The following C21orf58 variants were observed in gnomAD, a reference collection of about 807,000 sequenced individuals.
C21orf58 encodes the protein uncharacterized protein C21orf58.
A neutral mutation model predicts 35.8 loss-of-function variants in C21orf58; 34 were observed. That is an observed-to-expected ratio of 0.95 (90% CI 0.72 to 1.26). C21orf58 has a LOEUF of 1.26. C21orf58 is among the 50% of genes most tolerant of loss of function. C21orf58 has a pLI of 0.00. For missense variants in C21orf58, 440 were observed against 414.3 expected, an observed-to-expected ratio of 1.06 and a Z score of -0.54; for synonymous variants, 191 against 175.8, an observed-to-expected ratio of 1.09 and a Z score of -0.68.
chr21:46,311,807 T>C (rs1182929397), intron 5 of C21orf58, among the ~76,000 whole-genome samples: 304 of 50,252 alleles, frequency 6.0e-3, no homozygotes, highest in Admixed American at 7.0e-3. Flanking sequence ...AACCAACCAT[T>C]CATCCACCCA....
intron 1 of C21orf58, 196 bp from the exon 2 acceptor site, chr21:46,318,416 A>G (rs1601705037): frequency 1.4e-6 from 2 of 1,428,078 alleles, no homozygotes; most frequent in African/African-American, 1.4e-5. Flanking sequence ...GCTGGGCTTC[A>G]TGGGAAGGCA....
Position 46,311,605 on chromosome 21 carries a change from C to G in C21orf58, c.610-38G>C, listed in dbSNP as rs377665962. On this transcript the variant is annotated intron_variant, in intron 5 of 7. Transcript: ENST00000291691. ...AGGTGATTAGCTATCTGCATATGTC[C>G]TTGAAGAAAGTGTCTCCAGTATCTA... is the stretch of plus-strand genomic sequence containing the variant. The G allele has an allele frequency of 3.5e-5, 46 of 1,329,766 alleles. No homozygotes were observed. The African/African-American group carries it at 6.5e-4, about 19-fold the overall frequency. 82.4% of individuals were successfully genotyped at this position (1,329,766 alleles called of 1,614,324 possible).
intron 3 of C21orf58, 53 bp downstream of exon 3, chr21:46,317,139 GTGGCTCCCCCTGGAGT>G: frequency 7.0e-7 from 1 of 1,421,228 alleles, no homozygotes; most frequent in African/African-American, 1.4e-5. Context: ...CCCCCTGGAG[GTGGCTCCCCCTGGAGT>G]GGCTACACTT....
At position 46,322,840 on chromosome 21, in the gene C21orf58, G is replaced by C. The variant is rs1481308836; in HGVS notation, c.-102C>G. ...CTGAGGGCGCGTTTAAGTTGCAGTT[G>C]CTGAGGAGGCTGCAAGGTGAGCTTG... On this transcript the variant is annotated 5_prime_UTR_variant, in exon 1 of 8. Transcript: ENST00000291691. 14 of 748,410 alleles carry C rather than the reference G, an allele frequency of 1.9e-5. No homozygotes were observed. The highest frequency in any genetic ancestry group is 2.6e-5 in the Non-Finnish European group (13 of 501,088). 46.4% of individuals were successfully genotyped at this position (748,410 alleles called of 1,614,324 possible).
At chr21:46,316,586 C>T (rs2082984980) in intron 3 of C21orf58, among the ~76,000 whole-genome samples, 1 of 152,250 alleles carries the variant, frequency 6.6e-6, no homozygotes, top group Admixed American at 6.5e-5. Context: ...CAGCATCACA[C>T]TGGAGAGGGG....
Position 46,302,554 on chromosome 21 carries a change from C to A in C21orf58, c.744G>T (p.Leu248=). 6.2e-7 allele frequency: 1 copy of A among 1,609,662 alleles called. No homozygotes were observed. Among genetic ancestry groups the A allele is most frequent in the South Asian group, 1.1e-5 (1 of 90,442 alleles). ...CCAACTGGTGCACCTGTGCGTTCTGCAGCAGCAGCAGCTCCACCATGTCTG... is the reference window on the plus strand; with the variant it reads ...CCAACTGGTGCACCTGTGCGTTCTGAAGCAGCAGCAGCTCCACCATGTCTG... ...IKEDMVELLL[L]QNAQVHQLVL... is the part of the protein sequence containing the mutation. Residue 248 remains leucine (L), a synonymous_variant, in exon 7 of 8, where the codon CTG becomes CTT. Coordinates refer to ENST00000291691, the MANE Select transcript of C21orf58 (RefSeq NM_058180.5).
At chr21:46,321,559 G>A (rs546579641) in intron 1 of C21orf58, among the ~76,000 whole-genome samples, 1 of 152,084 alleles carries the variant, frequency 6.6e-6, no homozygotes, top group Non-Finnish European at 1.5e-5. Flanking sequence ...AAGAGTACTG[G>A]GCAGATATTT....
chr21:46,323,027 G>A lies in C21orf58; in HGVS notation c.-289C>T, dbSNP rs796225466. Reference sequence around the variant, plus strand: ...ACCAGACTTGGACACATGAAATAAAGGGGTTAGCTGAAGGAATACTCCACA... The same window carrying A: ...ACCAGACTTGGACACATGAAATAAAAGGGTTAGCTGAAGGAATACTCCACA... On this transcript the variant is annotated 5_prime_UTR_variant, in exon 1 of 8. Coordinates refer to ENST00000291691, the MANE Select transcript of C21orf58 (RefSeq NM_058180.5). The A allele has an allele frequency of 1.9e-5, 5 of 256,914 alleles. No individual in the cohort carries two copies. Among genetic ancestry groups the A allele is most frequent in the African/African-American group, 6.6e-5 (3 of 45,280 alleles). The allele number at this position is 256,914 out of a possible 1,614,324, so 15.9% of individuals were successfully genotyped here.
intron 1 of C21orf58, chr21:46,318,717 G>C (rs889380867): frequency 9.9e-7 from 1 of 1,014,740 alleles, no homozygotes; most frequent in Non-Finnish European, 1.2e-6. Flanking sequence ...GACAGAGGAG[G>C]GGTTGTGACC....
intron 6 of C21orf58, among the ~76,000 whole-genome samples, chr21:46,303,743 ATATTTTTTTTTTTTT>A (rs2082273433): frequency 5.1e-5 from 1 of 19,604 alleles, no homozygotes; most frequent in African/African-American, 2.0e-4. Flanking sequence ...ATATATATAT[ATATTTTTTTTTTTTT>A]TTTTTTTTTT....
At chr21:46,318,575 A>G in intron 1 of C21orf58, 1 of 1,186,316 alleles carries the variant, frequency 8.4e-7, no homozygotes, top group Non-Finnish European at 1.1e-6. Context: ...TACTGCCTCC[A>G]GGGTGTTAAT....
intron 5 of C21orf58, among the ~76,000 whole-genome samples, chr21:46,313,671 C>G (rs953711360): frequency 4.6e-5 from 7 of 152,180 alleles, no homozygotes; most frequent in Non-Finnish European, 1.0e-4. Flanking sequence ...TGCTGGAAGA[C>G]AGGAAGGCAC....
At chr21:46,307,160 T>C (rs545966562) in intron 6 of C21orf58, among the ~76,000 whole-genome samples, 2 of 152,098 alleles carry the variant, frequency 1.3e-5, no homozygotes, top group Admixed American at 6.6e-5. Flanking sequence ...CCTCCCAAAG[T>C]GCTGGGATTA....
chr21:46,310,210 C>T (rs1173776818), intron 6 of C21orf58, among the ~76,000 whole-genome samples: 1 of 151,956 alleles, frequency 6.6e-6, no homozygotes, highest in Non-Finnish European at 1.5e-5. Flanking sequence ...GGTGTGGTGG[C>T]TCACACCTGT....
Position 46,302,028 on chromosome 21 carries a change from G to C in C21orf58, c.940C>G (p.Pro314Ala). 6.5e-7 allele frequency: 1 copy of C among 1,537,012 alleles called. No homozygotes were observed. The highest frequency in any genetic ancestry group is 8.8e-7 in the Non-Finnish European group (1 of 1,141,240). Residue 314 changes from proline to alanine, a missense_variant, in exon 8 of 8, where the codon CCC becomes GCC. Coordinates refer to ENST00000291691, the MANE Select transcript of C21orf58 (RefSeq NM_058180.5). Reference sequence around the variant, plus strand: ...GGTGGGCCAGGCGTCCACAGGCTGGGGGCGGGCTGGAGGACAGTGGCAGCC... The same window carrying C: ...GGTGGGCCAGGCGTCCACAGGCTGGCGGCGGGCTGGAGGACAGTGGCAGCC... ...PGAATVLQPA[P>A]SLWTPGPP
At chr21:46,306,976 G>A (rs2082447509) in intron 6 of C21orf58, among the ~76,000 whole-genome samples, 1 of 151,758 alleles carries the variant, frequency 6.6e-6, no homozygotes, top group African/African-American at 2.4e-5. Context: ...GCTCACTGCA[G>A]CCTCCGCCTC....
intron 6 of C21orf58, among the ~76,000 whole-genome samples, chr21:46,308,914 C>A (rs2082545524): frequency 6.6e-6 from 1 of 152,176 alleles, no homozygotes; most frequent in Admixed American, 6.5e-5. Context: ...CGTGATGCCT[C>A]CAGACTCTGC....
In C21orf58 at chr21:46,323,747, C is replaced by A; in HGVS notation, c.-1009G>T. 1.2e-5 allele frequency: 3 copies of A among 249,188 alleles called. No homozygotes were observed. In the South Asian group the frequency reaches 1.2e-4, roughly 10 times the overall value. The allele number at this position is 249,188 out of a possible 1,614,324, so 15.4% of individuals were successfully genotyped here. A position where few individuals can be genotyped will look rare whatever the true frequency, so the allele number is the denominator to read the frequency against. ...GCCTGAGCGGGAGAAAACGGCCTGG[C>A]CCTGTCCGGGTGGTTGCTGAGCACC... is the stretch of plus-strand genomic sequence containing the variant. On this transcript the variant is annotated 5_prime_UTR_variant, in exon 1 of 8. Transcript: ENST00000291691.
chr21:46,319,913 A>T (rs1001051987), intron 1 of C21orf58, among the ~76,000 whole-genome samples: 11 of 152,028 alleles, frequency 7.2e-5, no homozygotes, highest in East Asian at 1.9e-4. Flanking sequence ...AAAAATAAAA[A>T]AAATAAAAAA....
Sources: allele counts gnomAD v4.1 joint callset (sites outside exome capture counted in the v4.1 genomes callset), GRCh38; gene constraint gnomAD v4.1.1; transcripts MANE v1.5; gene names NCBI Gene and HGNC (gene_info 2026-07-23, HGNC 2026-07-21).